The following EPHA6 variants were observed in gnomAD, a reference collection of about 807,000 sequenced individuals.
EPHA6 encodes EPH receptor A6, also known as ephrin type-A receptor 6.
Under a neutral mutation model 112.0 loss-of-function variants are expected in EPHA6, and 50 were observed. The observed-to-expected ratio is 0.45, with a 90% CI of 0.36 to 0.56. The LOEUF (loss-of-function observed/expected upper bound fraction) is 0.56, where lower values mean the gene tolerates loss of function less well. Among genes scored for constraint, EPHA6 ranks in the 20% least tolerant of loss-of-function variants. EPHA6 has a pLI of 0.00. For missense variants in EPHA6, 1,280 were observed against 1,417.4 expected (o/e 0.90, Z 1.56); for synonymous variants, 529 against 490.7 (o/e 1.08, Z -1.03).
intron 6 of EPHA6, among the ~76,000 whole-genome samples, chr3:97,417,635 A>G (rs965767160): frequency 1.3e-5 from 2 of 151,908 alleles, no homozygotes; most frequent in Non-Finnish European, 2.9e-5. Context: ...CTGAGCTTGG[A>G]GGGGAAAGAT....
At chr3:97,366,672 C>T (rs1412757099) in intron 5 of EPHA6, among the ~76,000 whole-genome samples, 1 of 151,368 alleles carries the variant, frequency 6.6e-6, no homozygotes, top group Non-Finnish European at 1.5e-5. Flanking sequence ...AATAATCAGA[C>T]ATGATAGTGA....
chr3:97,049,912 T>C (rs912312477), intron 3 of EPHA6, among the ~76,000 whole-genome samples: 3 of 152,132 alleles, frequency 2.0e-5, no homozygotes, highest in Non-Finnish European at 2.9e-5. Context: ...ACCACCAGCA[T>C]TGGGGATCAA....
intron 4 of EPHA6, among the ~76,000 whole-genome samples, chr3:97,243,591 G>T (rs1208217337): frequency 6.6e-6 from 1 of 151,366 alleles, no homozygotes; most frequent in African/African-American, 2.4e-5. Context: ...TTTTGAAAAT[G>T]GTGATATAAT....
chr3:97,007,537 G>A (rs7628193), intron 3 of EPHA6, among the ~76,000 whole-genome samples: 2,026 of 151,568 alleles, frequency 0.013, 51 homozygotes, highest in African/African-American at 0.045. Flanking sequence ...ACAGAACACC[G>A]ATGGGTCTTG....
At chr3:97,611,088 G>A (rs1016073) in intron 13 of EPHA6, among the ~76,000 whole-genome samples, 1 of 151,608 alleles carries the variant, frequency 6.6e-6, no homozygotes, top group Non-Finnish European at 1.5e-5. Flanking sequence ...CTTGCTATAT[G>A]TGTGTGTATA....
intron 5 of EPHA6, among the ~76,000 whole-genome samples, chr3:97,317,543 G>C (rs771364892): frequency 2.6e-5 from 4 of 151,574 alleles, no homozygotes; most frequent in Non-Finnish European, 4.4e-5. Flanking sequence ...TTTTTGTTTC[G>C]ATATACCCTT....
chr3:97,035,789 G>A (rs1024279206), intron 3 of EPHA6, among the ~76,000 whole-genome samples: 10 of 151,946 alleles, frequency 6.6e-5, no homozygotes, highest in Non-Finnish European at 1.2e-4. Context: ...CTTTGCTATG[G>A]TAAAATATAT....
intron 5 of EPHA6, among the ~76,000 whole-genome samples, chr3:97,368,618 T>C (rs760233513): frequency 9.9e-5 from 15 of 152,190 alleles, no homozygotes; most frequent in Admixed American, 9.8e-4. Flanking sequence ...GTTTCAATGA[T>C]GATATATCTT....
intron 11 of EPHA6, among the ~76,000 whole-genome samples, chr3:97,573,477 G>A (rs547177381): frequency 1.1e-4 from 17 of 152,142 alleles, no homozygotes; most frequent in African/African-American, 3.9e-4. Context: ...TTTACATCTG[G>A]TATACAATGA....
intron 5 of EPHA6, among the ~76,000 whole-genome samples, chr3:97,316,582 G>C (rs72926314): frequency 0.011 from 1,601 of 151,972 alleles, 39 homozygotes; most frequent in African/African-American, 0.035. Context: ...TGATGATTCA[G>C]ATTCAAGTAT....
At chr3:96,979,659 A>T (rs868584955) in intron 2 of EPHA6, among the ~76,000 whole-genome samples, 8 of 152,100 alleles carry the variant, frequency 5.3e-5, no homozygotes, top group Middle Eastern at 3.4e-3. Context: ...TAGTTTACAG[A>T]CCCACCAACA....
At chr3:97,699,366 C>G (rs1220604532) in intron 14 of EPHA6, among the ~76,000 whole-genome samples, 1 of 152,202 alleles carries the variant, frequency 6.6e-6, no homozygotes, top group Non-Finnish European at 1.5e-5. Flanking sequence ...AATAATTATT[C>G]TTACATGAGC....
At chr3:96,965,596 CAT>C (rs1361721113) in intron 2 of EPHA6, among the ~76,000 whole-genome samples, 2 of 152,016 alleles carry the variant, frequency 1.3e-5, no homozygotes, top group East Asian at 3.9e-4. Context: ...CTGCAAATAA[CAT>C]ATATAAACCT....
chr3:97,530,395 C>G (rs1044020577), intron 10 of EPHA6, among the ~76,000 whole-genome samples: 1 of 151,950 alleles, frequency 6.6e-6, no homozygotes. Flanking sequence ...TAACTTAGCG[C>G]AGATACCATC....
At chr3:97,477,754 T>A (rs1272554761) in intron 8 of EPHA6, among the ~76,000 whole-genome samples, 1 of 152,098 alleles carries the variant, frequency 6.6e-6, no homozygotes, top group Non-Finnish European at 1.5e-5. Context: ...CATTTTGAAC[T>A]GGGGTCACTG....
At position 97,512,462 on chromosome 3, in the gene EPHA6, C is replaced by T. The variant is rs193272928; in HGVS notation, c.2201-19896C>T. On this transcript the variant is annotated intron_variant, in intron 10 of 17. Transcript: ENST00000389672. ...TATTTGAATATTTTTGGAAAGATGC[C>T]TTTTCTCTTATTTTTTTAAAGCATT... is the stretch of plus-strand genomic sequence containing the variant. Among the ~76,000 whole-genome samples, 993 of 152,036 alleles carry T rather than the reference C, an allele frequency of 6.5e-3. 12 individuals carry two copies. Among genetic ancestry groups the T allele is most frequent in the African/African-American group, 0.022 (913 of 41,476 alleles).
intron 2 of EPHA6, among the ~76,000 whole-genome samples, chr3:96,874,483 T>C (rs1483612356): frequency 6.6e-6 from 1 of 152,112 alleles, no homozygotes; most frequent in Non-Finnish European, 1.5e-5. Flanking sequence ...GTGTAAAATA[T>C]GGACTAGTCT....
chr3:97,002,012 G>C (rs1197218669), intron 3 of EPHA6, among the ~76,000 whole-genome samples: 1 of 151,752 alleles, frequency 6.6e-6, no homozygotes, highest in African/African-American at 2.4e-5. Context: ...GGTATATTTG[G>C]TCTTTTTTAA....
At chr3:96,978,854 T>G (rs1458046032) in intron 2 of EPHA6, among the ~76,000 whole-genome samples, 1 of 152,164 alleles carries the variant, frequency 6.6e-6, no homozygotes, top group Admixed American at 6.6e-5. Flanking sequence ...CAGACCCTTC[T>G]CTCATTCTGA....
Sources: gnomAD v4.1 joint callset for allele counts (sites outside exome capture counted in the v4.1 genomes callset) on GRCh38, gnomAD v4.1.1 for gene constraint, MANE v1.5 for transcripts, NCBI Gene and HGNC (gene_info 2026-07-23, HGNC 2026-07-21) for gene names.